Variants in TRRAP observed in about 807,000 individuals in gnomAD.
TRRAP encodes transformation/transcription domain-associated protein.
Under a neutral mutation model 438.8 loss-of-function variants are expected in TRRAP, and 41 were observed. The observed-to-expected ratio is 0.09, with a 90% CI of 0.07 to 0.12. TRRAP has a LOEUF of 0.12. TRRAP is among the 10% of genes least tolerant of loss of function. The probability of loss-of-function intolerance (pLI) is 1.00; values close to 1 mark genes in which losing one functional copy is unlikely to be tolerated. For synonymous variants in TRRAP, 1,994 were observed against 1,962.9 expected (o/e 1.02, Z -0.42); for missense variants, 3,122 against 5,055.1 (o/e 0.62, Z 11.60).
chr7:98,983,980 G>C (rs1793048169), intron 60 of TRRAP, 113 bp from the exon 61 acceptor site: 1 of 1,340,496 alleles, frequency 7.5e-7, no homozygotes. Flanking sequence ...TCACAGAGCT[G>C]CCCATTTTCA....
Position 98,925,201 on chromosome 7 carries a change from G to T in TRRAP, c.2913G>T (p.Leu971=). The T allele has an allele frequency of 6.2e-7, 1 of 1,614,170 alleles. No homozygotes were observed. The highest frequency in any genetic ancestry group is 1.6e-4 in the Middle Eastern group (1 of 6,062). ...RQAWEVIKCF[L]VAMMSLEDNK... is the part of the protein sequence containing the mutation. ...CGTGGGAAGTGATCAAATGCTTCCT[G>T]GTGGCCATGATGAGCCTGGAGGACA... Residue 971 remains leucine (L), a synonymous_variant, in exon 22 of 73, where the codon CTG becomes CTT. Transcript: ENST00000456197.
chr7:98,895,240 C>T (rs1219549000), intron 6 of TRRAP, among the ~76,000 whole-genome samples: 3 of 152,130 alleles, frequency 2.0e-5, no homozygotes, highest in African/African-American at 4.8e-5. Flanking sequence ...AGTATTCTTT[C>T]TTATGGGTGT....
chr7:98,886,826 C>T (rs782537883), intron 3 of TRRAP, among the ~76,000 whole-genome samples: 4 of 152,184 alleles, frequency 2.6e-5, no homozygotes, highest in African/African-American at 4.8e-5. Context: ...AACAATTTAT[C>T]TGGATCAAAA....
chr7:99,011,743 T>C lies in TRRAP; in HGVS notation c.11337+208T>C, dbSNP rs1215383876. Among the ~76,000 whole-genome samples, 2 of 152,270 alleles carry C rather than the reference T, an allele frequency of 1.3e-5. No individual in the cohort carries two copies. The highest frequency in any genetic ancestry group is 2.4e-5 in the African/African-American group (1 of 41,474). Reference sequence around the variant, plus strand: ...TTGTCTGTAGTGCTTGGAACGGGCCTGCCTGACACTCGGCAGATGCCGGAA... The same window carrying C: ...TTGTCTGTAGTGCTTGGAACGGGCCCGCCTGACACTCGGCAGATGCCGGAA... On this transcript the variant is annotated intron_variant, in intron 72 of 72. Coordinates refer to ENST00000456197, the MANE Select transcript of TRRAP (RefSeq NM_001375524.1). This position sits in a 1 kb window ranked among gnomAD's most constrained non-coding sequence, Gnocchi z 7.1.
rs1554414434 is a variant in TRRAP at position 98,937,182 on chromosome 7, C to T, written c.4138C>T (p.Pro1380Ser). Residue 1380 changes from proline (P) to serine (S), a missense_variant, in exon 29 of 73, where the codon CCT (proline) becomes TCT (serine). Transcript: ENST00000456197. Reference sequence around the variant, plus strand: ...TGCACTTGCTGCCTGCAATTACCTTCCTCAGTCCAGGGAGAAAATCATCGC... The same window carrying T: ...TGCACTTGCTGCCTGCAATTACCTTTCTCAGTCCAGGGAGAAAATCATCGC... ...LNALAACNYL[P>S]QSREKIIAAL... 2 of 1,612,654 alleles carry T rather than the reference C, an allele frequency of 1.2e-6. No individual in the cohort carries two copies. The highest frequency in any genetic ancestry group is 1.7e-6 in the Non-Finnish European group (2 of 1,179,352).
intron 53 of TRRAP, among the ~76,000 whole-genome samples, chr7:98,974,293 G>A (rs1036939244): frequency 2.0e-5 from 3 of 152,194 alleles, no homozygotes; most frequent in African/African-American, 7.2e-5. Flanking sequence ...CCACCCTGAT[G>A]TTCTCCTTCC....
chr7:98,914,236 T>C (rs1287289349), intron 18 of TRRAP, among the ~76,000 whole-genome samples: 1 of 151,676 alleles, frequency 6.6e-6, no homozygotes, highest in African/African-American at 2.4e-5. Flanking sequence ...CTCTACAAAA[T>C]AATTTAAAAA....
intron 19 of TRRAP, among the ~76,000 whole-genome samples, chr7:98,916,767 A>C (rs1213574227): frequency 2.0e-5 from 3 of 152,086 alleles, no homozygotes; most frequent in African/African-American, 7.2e-5. Flanking sequence ...TGTGCTGGGA[A>C]CTCAGCCCCT....
intron 1 of TRRAP, among the ~76,000 whole-genome samples, chr7:98,880,558 G>T (rs532925791): frequency 6.6e-5 from 10 of 152,162 alleles, no homozygotes; most frequent in Admixed American, 6.5e-4. Context: ...CACTGCGCCT[G>T]GCCTGCTGCA....
At chr7:98,943,105 G>A (rs541202022) in intron 31 of TRRAP, 88 bp downstream of exon 31, 84 of 1,396,370 alleles carry the variant, frequency 6.0e-5, no homozygotes, top group Non-Finnish European at 7.5e-5. Flanking sequence ...TTAAAATGCC[G>A]GTCAGAAACC....
intron 12 of TRRAP, among the ~76,000 whole-genome samples, chr7:98,905,684 C>G (rs181912294): frequency 6.6e-6 from 1 of 152,206 alleles, no homozygotes; most frequent in Non-Finnish European, 1.5e-5. Flanking sequence ...AATGCAGAAC[C>G]GTAACCTGGG....
chr7:98,921,407 C>T (rs2116465716), intron 20 of TRRAP, among the ~76,000 whole-genome samples: 1 of 152,110 alleles, frequency 6.6e-6, no homozygotes, highest in East Asian at 1.9e-4. Flanking sequence ...TGGAGTCTCG[C>T]CCTTGTCACC....
rs148363949 is a variant in TRRAP at position 98,973,048 on chromosome 7, C to T, written c.7839+1103C>T. Among the ~76,000 whole-genome samples the T allele has an allele frequency of 8.3e-4, 127 of 152,220 alleles. 1 individual carries two copies. Among genetic ancestry groups the T allele is most frequent in the African/African-American group, 2.9e-3 (121 of 41,526 alleles). ...AGGCTGGAGTATAGTGGTGCAATCT[C>T]GGCTCACAGCAACCTCCATCTCCCA... is the stretch of plus-strand genomic sequence containing the variant. On this transcript the variant is annotated intron_variant, in intron 53 of 72. Transcript: ENST00000456197.
intron 59 of TRRAP, among the ~76,000 whole-genome samples, chr7:98,983,036 C>T (rs1237609753): frequency 1.3e-5 from 2 of 152,116 alleles, no homozygotes; most frequent in South Asian, 2.1e-4. Flanking sequence ...TCAGGAGCCA[C>T]AAGCTGAGGT....
intron 6 of TRRAP, among the ~76,000 whole-genome samples, chr7:98,894,673 C>CCTGA (rs1812011949): frequency 6.7e-6 from 1 of 150,074 alleles, no homozygotes; most frequent in Non-Finnish European, 1.5e-5. Context: ...AGTGCAGTGG[C>CCTGA]GCAATCTTGG....
At chr7:98,895,730 A>G in intron 6 of TRRAP, 34 bp from the exon 7 acceptor site, 1 of 1,552,952 alleles carries the variant, frequency 6.4e-7, no homozygotes, top group Non-Finnish European at 8.8e-7. Context: ...GTTTATGAAT[A>G]TCTTCCTATA....
chr7:98,993,695 C>T lies in TRRAP; in HGVS notation c.10005C>T (p.Ile3335=). The change falls in exon 66 of 73, where the codon ATC becomes ATT. Residue 3335 remains isoleucine, a synonymous_variant. Coordinates refer to ENST00000456197, the MANE Select transcript of TRRAP (RefSeq NM_001375524.1). ...CCCTTCTGTCTTCCCTGGAAGGCAT[C>T]GTCGATCAGATGGTCTGGTTCAGAG... ...HPTLLSSLEG[I]VDQMVWFREN... is the part of the protein sequence containing the mutation. 1 of 1,614,214 alleles carries T rather than the reference C, an allele frequency of 6.2e-7. No individual in the cohort carries two copies. Among genetic ancestry groups the T allele is most frequent in the Non-Finnish European group, 8.5e-7 (1 of 1,180,032 alleles).
chr7:98,933,179 T>A (rs1790405484), intron 26 of TRRAP, 62 bp from the exon 27 acceptor site: 1 of 1,496,948 alleles, frequency 6.7e-7, no homozygotes, highest in Non-Finnish European at 8.9e-7. Context: ...TTCACATTTT[T>A]AAAAAGTGTT....
At position 99,002,582 on chromosome 7, in the gene TRRAP, G is replaced by A. The variant is rs147881779; in HGVS notation, c.10310-1608G>A. 1.5e-4 allele frequency among the ~76,000 whole-genome samples: 23 copies of A among 152,254 alleles called. No homozygotes were observed. In the East Asian group the frequency reaches 2.7e-3, roughly 18 times the overall value. On this transcript the variant is annotated intron_variant, in intron 67 of 72. Transcript: ENST00000456197. ...TCCTTGGTGGTGGCCTCTGTCTCTC[G>A]CGGCTCTGCTGGGGGATCTCACCTT...
Sources: gnomAD v4.1 joint callset for allele counts (sites outside exome capture counted in the v4.1 genomes callset) on GRCh38, gnomAD v4.1.1 for gene constraint, Gnocchi (gnomAD v3.1) non-coding constraint, MANE v1.5 for transcripts, NCBI Gene and HGNC (gene_info 2026-07-23, HGNC 2026-07-21) for gene names.